Variants in HTR6 observed in about 807,000 individuals in gnomAD.
The protein encoded by HTR6 is 5-hydroxytryptamine receptor 6.
Under a neutral mutation model 17.4 loss-of-function variants are expected in HTR6, and 15 were observed. The ratio of observed to expected loss-of-function variants is 0.86; its 90% CI spans 0.58 to 1.33. The LOEUF (loss-of-function observed/expected upper bound fraction) is 1.33, where lower values mean the gene tolerates loss of function less well. Ranked by LOEUF, HTR6 falls within the 40% of genes most tolerant of loss-of-function variation. The pLI is 0.00. For missense variants in HTR6, 578 were observed against 616.0 expected, an observed-to-expected ratio of 0.94 and a Z score of 0.65; for synonymous variants, 326 against 295.5, an observed-to-expected ratio of 1.10 and a Z score of -1.06.
rs1255683162 is a variant in HTR6, at chr1:19,664,964, C to A, written c.-790C>A. 6.7e-6 allele frequency among the ~76,000 whole-genome samples: 1 copy of A among 150,326 alleles called. No homozygotes were observed. Among genetic ancestry groups the A allele is most frequent in the African/African-American group, 2.4e-5 (1 of 41,232 alleles). The stretch of plus-strand genomic sequence containing the variant: ...TCCCGCCGCCCGCCCGGCCCGCGGC[C>A]GCCTCTTCCTCTCGCAGCCCCGCGG... On this transcript the variant is annotated 5_prime_UTR_variant, in exon 1 of 3. Coordinates refer to ENST00000289753, the MANE Select transcript of HTR6 (RefSeq NM_000871.3). The surrounding 1 kb of genome is among the most constrained non-coding windows in gnomAD (Gnocchi z 4.7).
chr1:19,666,216 G>T lies in HTR6; in HGVS notation c.463G>T (p.Ala155Ser). 2 of 1,609,096 alleles carry T rather than the reference G, an allele frequency of 1.2e-6. No individual in the cohort carries two copies. The highest frequency in any genetic ancestry group is 8.5e-7 in the Non-Finnish European group (1 of 1,179,630). ...ALVLGAWSLA[A>S]LASFLPLLLG... The stretch of plus-strand genomic sequence containing the variant: ...AGTCCTGGGCGCCTGGAGCCTCGCC[G>T]CTCTCGCCTCCTTCCTGCCCCTGCT... The change falls in exon 1 of 3, where the codon GCT becomes TCT. Residue 155 changes from alanine to serine, a missense_variant. Transcript: ENST00000289753. This position sits in a 1 kb window ranked among gnomAD's most constrained non-coding sequence, Gnocchi z 4.5.
intron 1 of HTR6, among the ~76,000 whole-genome samples, chr1:19,671,312 G>A (rs190585612): frequency 6.6e-6 from 1 of 152,256 alleles, no homozygotes; most frequent in Admixed American, 6.5e-5. Context: ...GGCCTCTCAA[G>A]CCAGAAATGT....
chr1:19,674,674 G>C (rs2095092162), intron 1 of HTR6, among the ~76,000 whole-genome samples: 1 of 152,258 alleles, frequency 6.6e-6, no homozygotes, highest in Non-Finnish European at 1.5e-5. Context: ...CCAAAGGGCT[G>C]AGATTATAGG....
chr1:19,666,308 C>T lies in HTR6; in HGVS notation c.555C>T (p.Ser185=). 6.2e-7 allele frequency: 1 copy of T among 1,613,252 alleles called. No homozygotes were observed. Among genetic ancestry groups the T allele is most frequent in the Non-Finnish European group, 8.5e-7 (1 of 1,179,934 alleles). ...CTGGCCAGTGCCGCCTGCTGGCCAG[C>T]CTGCCTTTTGTCCTTGTGGCGTCGG... ...PVPGQCRLLA[S]LPFVLVASGL... Residue 185 remains serine (S), a synonymous_variant, in exon 1 of 3, where the codon AGC becomes AGT. Transcript: ENST00000289753. The surrounding 1 kb of genome is among the most constrained non-coding windows in gnomAD (Gnocchi z 4.5).
At chr1:19,667,322 A>G (rs2095082755) in intron 1 of HTR6, among the ~76,000 whole-genome samples, 1 of 152,108 alleles carries the variant, frequency 6.6e-6, no homozygotes, top group South Asian at 2.1e-4. Flanking sequence ...AACAAGTCAT[A>G]AAAATGACTT....
In HTR6 at chr1:19,679,479, T is replaced by G. The variant is rs748685737; in HGVS notation, c.*111T>G. Reference sequence around the variant, plus strand: ...GAGGCTGCAAGTCTCCTAGAAGCCCTCTGAGCTCCAGAGGGGTGCGCAGAG... The same window carrying G: ...GAGGCTGCAAGTCTCCTAGAAGCCCGCTGAGCTCCAGAGGGGTGCGCAGAG... On this transcript the variant is annotated 3_prime_UTR_variant, in exon 3 of 3. Coordinates refer to ENST00000289753, the MANE Select transcript of HTR6 (RefSeq NM_000871.3). This position sits in a 1 kb window ranked among gnomAD's most constrained non-coding sequence, Gnocchi z 4.9. The G allele has an allele frequency of 3.5e-6, 5 of 1,419,136 alleles. No homozygotes were observed. The highest frequency in any genetic ancestry group is 4.6e-6 in the Non-Finnish European group (5 of 1,083,226). 87.9% of individuals were successfully genotyped at this position (1,419,136 alleles called of 1,614,324 possible). A position where few individuals can be genotyped will look rare whatever the true frequency, so the allele number is the denominator to read the frequency against.
At chr1:19,674,179 T>C (rs548528919) in intron 1 of HTR6, among the ~76,000 whole-genome samples, 2 of 152,234 alleles carry the variant, frequency 1.3e-5, no homozygotes, top group South Asian at 4.1e-4. Context: ...TTCCGGGTCA[T>C]TTTCTATGTG....
intron 1 of HTR6, among the ~76,000 whole-genome samples, chr1:19,671,602 A>C (rs1253713117): frequency 6.6e-6 from 1 of 152,134 alleles, no homozygotes; most frequent in South Asian, 2.1e-4. Context: ...AGTGATGAGA[A>C]TGAATCAGAT....
rs1220519894 is a variant in HTR6, at chr1:19,665,791, C to T, written c.38C>T (p.Pro13Leu). The stretch of plus-strand genomic sequence containing the variant: ...CCGGGCCCAACCGCCAATAGCACCC[C>T]GGCCTGGGGGGCAGGGCCGCCGTCG... ...PEPGPTANST[P>L]AWGAGPPSAP... Residue 13 changes from proline to leucine, a missense_variant, in exon 1 of 3, where the codon CCG (proline) becomes CTG (leucine). Coordinates refer to ENST00000289753, the MANE Select transcript of HTR6 (RefSeq NM_000871.3). The surrounding 1 kb of genome is among the most constrained non-coding windows in gnomAD (Gnocchi z 4.2). The T allele has an allele frequency of 2.0e-6, 3 of 1,507,206 alleles. No homozygotes were observed. Among genetic ancestry groups the T allele is most frequent in the Non-Finnish European group, 2.6e-6 (3 of 1,137,144 alleles). 93.4% of individuals were successfully genotyped at this position (1,507,206 alleles called of 1,614,324 possible). A position where few individuals can be genotyped will look rare whatever the true frequency, so the allele number is the denominator to read the frequency against.
At chr1:19,667,112 C>CTT (rs1207652641) in intron 1 of HTR6, among the ~76,000 whole-genome samples, 1 of 152,184 alleles carries the variant, frequency 6.6e-6, no homozygotes, top group Non-Finnish European at 1.5e-5. Flanking sequence ...CCCTCTCCCT[C>CTT]TCTCTTACTC....
Position 19,666,008 on chromosome 1 carries a change from G to T in HTR6, c.255G>T (p.Leu85=), listed in dbSNP as rs770463651. ...VGLVVMPPAM[L]NALYGRWVLA... is the part of the protein sequence containing the mutation. ...TGGTGGTGATGCCGCCGGCCATGCTGAACGCGCTGTACGGGCGCTGGGTGC... is the reference window on the plus strand; with the variant it reads ...TGGTGGTGATGCCGCCGGCCATGCTTAACGCGCTGTACGGGCGCTGGGTGC... Residue 85 remains leucine (L), a synonymous_variant, in exon 1 of 3, where the codon CTG becomes CTT. Coordinates refer to ENST00000289753, the MANE Select transcript of HTR6 (RefSeq NM_000871.3). The surrounding 1 kb of genome is among the most constrained non-coding windows in gnomAD (Gnocchi z 4.5). The T allele has an allele frequency of 1.2e-6, 2 of 1,613,912 alleles. No individual in the cohort carries two copies. Among genetic ancestry groups the T allele is most frequent in the South Asian group, 2.2e-5 (2 of 91,088 alleles).
chr1:19,668,918 G>T (rs924039134), intron 1 of HTR6, among the ~76,000 whole-genome samples: 3 of 152,322 alleles, frequency 2.0e-5, no homozygotes, highest in Middle Eastern at 3.4e-3. Flanking sequence ...GAGGTGATGA[G>T]CCTAGGGCCT....
intron 1 of HTR6, among the ~76,000 whole-genome samples, chr1:19,667,555 A>G (rs1363333069): frequency 6.6e-6 from 1 of 152,154 alleles, no homozygotes; most frequent in Non-Finnish European, 1.5e-5. Flanking sequence ...AGCTGGGATT[A>G]CAGGCACCCA....
In HTR6 at chr1:19,679,567, G is replaced by A. The variant is rs199943894; in HGVS notation, c.*199G>A. The A allele has an allele frequency of 3.2e-5, 23 of 719,370 alleles. No homozygotes were observed. Among genetic ancestry groups the A allele is most frequent in the African/African-American group, 2.1e-4 (12 of 55,872 alleles). The allele number at this position is 719,370 out of a possible 1,614,324, so 44.6% of individuals were successfully genotyped here. Reference sequence around the variant, plus strand: ...AGGGATCATAGCTGACTCAGATATCGTGTTCTGAAGGATGCTCCACTGTTG... The same window carrying A: ...AGGGATCATAGCTGACTCAGATATCATGTTCTGAAGGATGCTCCACTGTTG... On this transcript the variant is annotated 3_prime_UTR_variant, in exon 3 of 3. Coordinates refer to ENST00000289753, the MANE Select transcript of HTR6 (RefSeq NM_000871.3). The surrounding 1 kb of genome is among the most constrained non-coding windows in gnomAD (Gnocchi z 4.9).
At position 19,664,946 on chromosome 1, in the gene HTR6, GC is replaced by G. The variant is rs1468264226; in HGVS notation, c.-805del. Among the ~76,000 whole-genome samples, 1 of 149,726 alleles carries G rather than the reference GC, an allele frequency of 6.7e-6. No homozygotes were observed. The highest frequency in any genetic ancestry group is 1.5e-5 in the Non-Finnish European group (1 of 67,084). ...CGGGCTCGGGAGACCCGGTCCCGCC[GC>G]CCGCCCGGCCCGCGGCCGCCTCTTC... On this transcript the variant is annotated 5_prime_UTR_variant, in exon 1 of 3. Transcript: ENST00000289753. This position sits in a 1 kb window ranked among gnomAD's most constrained non-coding sequence, Gnocchi z 4.7.
At position 19,679,434 on chromosome 1, in the gene HTR6, C is replaced by T; in HGVS notation, c.*66C>T. On this transcript the variant is annotated 3_prime_UTR_variant, in exon 3 of 3. Transcript: ENST00000289753. This position sits in a 1 kb window ranked among gnomAD's most constrained non-coding sequence, Gnocchi z 4.9. ...GAACCCAGACCCTGAGTCCTTGGGC[C>T]AGCTCTTGGCTAAGACCAGGAGGCT... 1 of 1,465,610 alleles carries T rather than the reference C, an allele frequency of 6.8e-7. No individual in the cohort carries two copies. The highest frequency in any genetic ancestry group is 9.0e-7 in the Non-Finnish European group (1 of 1,107,246). The allele number at this position is 1,465,610 out of a possible 1,614,324, so 90.8% of individuals were successfully genotyped here.
chr1:19,677,328 C>A (rs1196563172), intron 1 of HTR6, among the ~76,000 whole-genome samples: 1 of 152,030 alleles, frequency 6.6e-6, no homozygotes, highest in East Asian at 1.9e-4. Flanking sequence ...CTCAGAGAGC[C>A]CTTTGGGACT....
At chr1:19,678,775 C>T in intron 2 of HTR6, 50 bp downstream of exon 2, 1 of 1,579,592 alleles carries the variant, frequency 6.3e-7, no homozygotes, top group South Asian at 1.2e-5. Flanking sequence ...AGGAGAGGCC[C>T]TGGATCCCAG....
intron 1 of HTR6, among the ~76,000 whole-genome samples, chr1:19,678,311 C>T (rs912363756): frequency 6.6e-6 from 1 of 151,762 alleles, no homozygotes; most frequent in African/African-American, 2.4e-5. Flanking sequence ...TTATGTAGGG[C>T]TTTATGGTAG....
Sources: gnomAD v4.1 joint callset for allele counts (sites outside exome capture counted in the v4.1 genomes callset) on GRCh38, gnomAD v4.1.1 for gene constraint, Gnocchi (gnomAD v3.1) non-coding constraint, MANE v1.5 for transcripts, NCBI Gene and HGNC (gene_info 2026-07-23, HGNC 2026-07-21) for gene names.